Variants in DLGAP2 observed in about 807,000 individuals in gnomAD.
DLGAP2 encodes DLG associated protein 2.
A neutral mutation model predicts 100.3 loss-of-function variants in DLGAP2; 26 were observed. The ratio of observed to expected loss-of-function variants is 0.26; its 90% confidence interval spans 0.19 to 0.36. DLGAP2 has a LOEUF of 0.36. DLGAP2 is among the 10% of genes least tolerant of loss of function. DLGAP2 has a pLI of 1.00. For missense variants in DLGAP2, 1,858 were observed against 1,453.2 expected, an observed-to-expected ratio of 1.28 and a Z score of -4.53; for synonymous variants, 886 against 630.1, an observed-to-expected ratio of 1.41 and a Z score of -6.08.
intron 2 of DLGAP2, among the ~76,000 whole-genome samples, chr8:1,001,572 A>C (rs1250890299): frequency 7.2e-5 from 11 of 152,234 alleles, no homozygotes; most frequent in Admixed American, 7.2e-4. Context: ...GTTACGGAGA[A>C]ATGATTGGAA....
chr8:836,065 G>T (rs907536997), intron 1 of DLGAP2, among the ~76,000 whole-genome samples: 1 of 152,314 alleles, frequency 6.6e-6, no homozygotes, highest in East Asian at 1.9e-4. Context: ...GAGATGTAAA[G>T]GACACCCGCA....
intron 2 of DLGAP2, among the ~76,000 whole-genome samples, chr8:1,066,946 A>G (rs767556365): frequency 6.6e-6 from 1 of 152,186 alleles, no homozygotes; most frequent in South Asian, 2.1e-4. Context: ...TGGTCGCAGC[A>G]GGCGGCCCAG....
rs1477081750 is a variant in DLGAP2 at position 1,351,530 on chromosome 8, C to T, written c.106+92647C>T. Among the ~76,000 whole-genome samples, 2 of 66,556 alleles carry T rather than the reference C, an allele frequency of 3.0e-5. 1 individual carries two copies. Among genetic ancestry groups the T allele is most frequent in the Non-Finnish European group, 6.4e-5 (2 of 31,270 alleles). 43.7% of individuals were successfully genotyped at this position (66,556 alleles called of 152,430 possible). A position where few individuals can be genotyped will look rare whatever the true frequency, so the allele number is the denominator to read the frequency against. On this transcript the variant is annotated intron_variant, in intron 3 of 14. Coordinates refer to ENST00000637795, the MANE Select transcript of DLGAP2 (RefSeq NM_001346810.2). ...GGGTCCTGACTGTGTGTGGAAAGGC[C>T]GTGTGGGTCCTGACTGTGTGTGGAA... is the stretch of plus-strand genomic sequence containing the variant.
chr8:820,980 G>A (rs755651407), intron 1 of DLGAP2, among the ~76,000 whole-genome samples: 2 of 152,182 alleles, frequency 1.3e-5, no homozygotes, highest in Admixed American at 6.5e-5. Flanking sequence ...TGAACAGTAA[G>A]TGCCTGGAAA....
intron 2 of DLGAP2, among the ~76,000 whole-genome samples, chr8:1,099,298 A>G (rs1039881979): frequency 1.3e-5 from 2 of 152,206 alleles, no homozygotes; most frequent in African/African-American, 4.8e-5. Context: ...ACAACAATGA[A>G]AAGAAAACAA....
intron 2 of DLGAP2, among the ~76,000 whole-genome samples, chr8:1,210,316 T>C (rs1253337134): frequency 6.6e-6 from 1 of 151,420 alleles, no homozygotes; most frequent in East Asian, 2.0e-4. Context: ...TTTGGTTGTC[T>C]GGAAGGGCAT....
At chr8:1,264,959 G>C (rs762914838) in intron 3 of DLGAP2, among the ~76,000 whole-genome samples, 2 of 152,154 alleles carry the variant, frequency 1.3e-5, no homozygotes, top group Non-Finnish European at 2.9e-5. Context: ...CTTGCCTGCT[G>C]CCATGTAAGA....
intron 3 of DLGAP2, among the ~76,000 whole-genome samples, chr8:1,383,638 C>A (rs1796144810): frequency 6.6e-6 from 1 of 152,184 alleles, no homozygotes; most frequent in South Asian, 2.1e-4. Flanking sequence ...TCCATGGTTC[C>A]CCTTAGTGGC....
At chr8:812,148 A>G (rs1402141450) in intron 1 of DLGAP2, among the ~76,000 whole-genome samples, 1 of 152,186 alleles carries the variant, frequency 6.6e-6, no homozygotes, top group Admixed American at 6.5e-5. Context: ...GGCTTGCACA[A>G]TTGCAGGGGC....
intron 6 of DLGAP2, among the ~76,000 whole-genome samples, chr8:1,593,457 AAAT>A (rs908343140): frequency 2.6e-5 from 4 of 151,814 alleles, no homozygotes; most frequent in African/African-American, 2.4e-5. Flanking sequence ...TCCGTCTCAA[AAAT>A]AATAATAATA....
At chr8:1,607,754 T>C (rs1283546254) in intron 6 of DLGAP2, among the ~76,000 whole-genome samples, 58 of 149,924 alleles carry the variant, frequency 3.9e-4, no homozygotes, top group Non-Finnish European at 6.2e-4. Context: ...GGGAGTTCCC[T>C]TTCTGAGTCA....
At chr8:1,544,514 G>GT (rs951633478) in intron 4 of DLGAP2, among the ~76,000 whole-genome samples, 1 of 152,068 alleles carries the variant, frequency 6.6e-6, no homozygotes, top group African/African-American at 2.4e-5. Context: ...TTCTCTGAGT[G>GT]TTTTTATCAT....
chr8:1,328,433 C>G (rs915681870), intron 3 of DLGAP2, among the ~76,000 whole-genome samples: 2 of 152,196 alleles, frequency 1.3e-5, no homozygotes, highest in African/African-American at 2.4e-5. Flanking sequence ...ATTCTCCTGC[C>G]TCAGCCTCCC....
At chr8:1,613,751 T>A (rs1797059552) in intron 6 of DLGAP2, among the ~76,000 whole-genome samples, 1 of 152,208 alleles carries the variant, frequency 6.6e-6, no homozygotes, top group Non-Finnish European at 1.5e-5. Flanking sequence ...TGTTCTGTAC[T>A]GCTTCGGACA....
chr8:910,799 T>C (rs1190961950), intron 2 of DLGAP2, among the ~76,000 whole-genome samples: 2 of 152,104 alleles, frequency 1.3e-5, no homozygotes, highest in Admixed American at 1.3e-4. Flanking sequence ...AGGATTGGTG[T>C]CCTTGCAGGG....
At chr8:901,462 CT>C (rs1171409055) in intron 1 of DLGAP2, among the ~76,000 whole-genome samples, 1 of 152,096 alleles carries the variant, frequency 6.6e-6, no homozygotes, top group Non-Finnish European at 1.5e-5. Context: ...GTGGAAACAC[CT>C]TTTGGTTGGT....
At chr8:1,119,964 C>G (rs1795997174) in intron 2 of DLGAP2, among the ~76,000 whole-genome samples, 1 of 152,200 alleles carries the variant, frequency 6.6e-6, no homozygotes, top group Admixed American at 6.5e-5. Context: ...TAGGAAATGG[C>G]TAAGATGAAA....
chr8:1,478,686 A>T (rs567760975), intron 3 of DLGAP2, among the ~76,000 whole-genome samples: 109 of 152,190 alleles, frequency 7.2e-4, no homozygotes, highest in African/African-American at 2.2e-3. Flanking sequence ...CAATGGTCAA[A>T]CCAATGGAAT....
At chr8:1,471,343 C>CGACCCCTCCAGCTTTTCCT (rs1563168814) in intron 3 of DLGAP2, among the ~76,000 whole-genome samples, 1 of 45,610 alleles carries the variant, frequency 2.2e-5, no homozygotes, top group Non-Finnish European at 5.5e-5. Context: ...CAGCCTTTCC[C>CGACCCCTCCAGCTTTTCCT]GACCCCTCCA....
Sources: allele counts gnomAD v4.1 joint callset (sites outside exome capture counted in the v4.1 genomes callset), GRCh38; gene constraint gnomAD v4.1.1; transcripts MANE v1.5; gene names NCBI Gene and HGNC (gene_info 2026-07-23, HGNC 2026-07-21).